GPHN: variants seen among roughly 807,000 people sequenced by gnomAD.
GPHN encodes gephyrin.
Under a neutral mutation model 95.5 loss-of-function variants are expected in GPHN, and 17 were observed. That is an observed-to-expected ratio of 0.18 (90% CI 0.12 to 0.27). The LOEUF (loss-of-function observed/expected upper bound fraction) is 0.27, where lower values mean the gene tolerates loss of function less well. Ranked by LOEUF, GPHN falls within the 10% of genes least tolerant of loss-of-function variation. The pLI is 1.00. For synonymous variants in GPHN, 320 were observed against 322.5 expected (o/e 0.99, Z 0.08); for missense variants, 660 against 978.1 (o/e 0.67, Z 4.34).
At chr14:66,979,494 T>C (rs941204959) in intron 9 of GPHN, among the ~76,000 whole-genome samples, 1 of 152,196 alleles carries the variant, frequency 6.6e-6, no homozygotes, top group Non-Finnish European at 1.5e-5. Context: ...GCTTTCAACT[T>C]TTCTTCTGCA....
chr14:66,724,061 A>T lies in GPHN; in HGVS notation c.143+42876A>T, dbSNP rs371731799. ...AAGATCTTACAGGTTTCATTTGAAA[A>T]TTTCTGCAATGAGTCAATAAAACAT... On this transcript the variant is annotated intron_variant, in intron 2 of 22. Coordinates refer to ENST00000478722, the MANE Select transcript of GPHN (RefSeq NM_020806.5). Among the ~76,000 whole-genome samples, 87 of 152,048 alleles carry T rather than the reference A, an allele frequency of 5.7e-4. 3 individuals carry two copies. The highest frequency in any genetic ancestry group is 2.0e-3 in the African/African-American group (85 of 41,482).
chr14:67,472,556 A>C, the GPHN span: 1 of 152,356 alleles, frequency 6.6e-6, no homozygotes. Context: ...GGAACTCCCC[A>C]GGCATCAGGC....
At chr14:67,266,453 G>A in the GPHN span, among the ~76,000 whole-genome samples, 5 of 152,082 alleles carry the variant, frequency 3.3e-5, no homozygotes, top group Admixed American at 6.5e-5. Flanking sequence ...AGCCTGCCGA[G>A]TAGCTGGGAT....
the GPHN span, chr14:67,651,742 T>C: frequency 3.0e-5 from 9 of 302,586 alleles, no homozygotes; most frequent in Non-Finnish European, 5.6e-5. Context: ...TAGTAGTTAC[T>C]TCCTTTAAAA....
At chr14:67,442,619 G>C in the GPHN span, among the ~76,000 whole-genome samples, 19 of 152,262 alleles carry the variant, frequency 1.2e-4, 1 homozygote, top group Admixed American at 9.2e-4. Context: ...CTCTCCTGTA[G>C]ACCAGGACCA....
At chr14:67,419,758 A>C in the GPHN span, among the ~76,000 whole-genome samples, 41 of 151,914 alleles carry the variant, frequency 2.7e-4, no homozygotes, top group Admixed American at 7.2e-4. Flanking sequence ...CTGAGGCAGG[A>C]GAATGGCGTG....
chr14:67,561,914 A>T, the GPHN span: 12 of 1,257,526 alleles, frequency 9.5e-6, no homozygotes, highest in Non-Finnish European at 1.4e-5. Context: ...CTAAACCTGT[A>T]GGCTGGGTGT....
chr14:67,668,218 A>T, the GPHN span, among the ~76,000 whole-genome samples: 1 of 152,256 alleles, frequency 6.6e-6, no homozygotes, highest in South Asian at 2.1e-4. Flanking sequence ...GACCACAGGC[A>T]TTTAACATTG....
the GPHN span, among the ~76,000 whole-genome samples, chr14:67,601,242 A>G: frequency 2.0e-5 from 3 of 152,244 alleles, no homozygotes; most frequent in Non-Finnish European, 2.9e-5. Context: ...GGAATTTGCC[A>G]GAAAGAAAGA....
At chr14:67,062,958 C>A (rs2075885903) in intron 11 of GPHN, among the ~76,000 whole-genome samples, 1 of 152,160 alleles carries the variant, frequency 6.6e-6, no homozygotes, top group Admixed American at 6.5e-5. Context: ...GCTTTTGTTG[C>A]CATTGCTTTT....
At chr14:67,200,289 G>C in the GPHN span, 1 of 690,218 alleles carries the variant, frequency 1.4e-6, no homozygotes, top group Admixed American at 3.1e-5. Flanking sequence ...GCCACCAGTT[G>C]CCCCTCGAGG....
the GPHN span, chr14:67,333,601 CTTTGT>C: frequency 6.6e-6 from 1 of 152,618 alleles, no homozygotes; most frequent in Non-Finnish European, 1.5e-5. Context: ...TTTGCTCAGA[CTTTGT>C]GGATCAGACT....
chr14:66,856,106 A>G (rs2062792890), intron 4 of GPHN, among the ~76,000 whole-genome samples: 1 of 152,160 alleles, frequency 6.6e-6, no homozygotes, highest in South Asian at 2.1e-4. Context: ...ATTTAAAAAA[A>G]GTGAATTCAG....
At chr14:67,620,112 C>A in the GPHN span, 9 of 1,532,004 alleles carry the variant, frequency 5.9e-6, no homozygotes, top group Non-Finnish European at 8.0e-6. Context: ...CCTGGAACCG[C>A]CGGGCAGGAT....
intron 1 of GPHN, among the ~76,000 whole-genome samples, chr14:66,613,082 G>C (rs1016838912): frequency 2.6e-5 from 4 of 151,984 alleles, no homozygotes; most frequent in African/African-American, 9.7e-5. Flanking sequence ...AGTCACCGTG[G>C]ACACTGAATT....
the GPHN span, chr14:67,729,661 G>C: frequency 1.7e-6 from 1 of 597,614 alleles, no homozygotes; most frequent in Non-Finnish European, 3.1e-6. Flanking sequence ...TGTCGCTGTT[G>C]GTTATGCCAT....
the GPHN span, among the ~76,000 whole-genome samples, chr14:67,716,270 A>G: frequency 6.6e-6 from 1 of 152,206 alleles, no homozygotes; most frequent in Non-Finnish European, 1.5e-5. Flanking sequence ...ACTGCTGTAC[A>G]GAAAAGGCAA....
At chr14:66,609,079 A>G (rs954472500) in intron 1 of GPHN, among the ~76,000 whole-genome samples, 2 of 152,054 alleles carry the variant, frequency 1.3e-5, no homozygotes, top group Non-Finnish European at 2.9e-5. Context: ...TATAGTGTCT[A>G]TGGGCTATAT....
chr14:66,512,431 A>G (rs2058075226), intron 1 of GPHN, among the ~76,000 whole-genome samples: 1 of 151,890 alleles, frequency 6.6e-6, no homozygotes, highest in Non-Finnish European at 1.5e-5. Context: ...CGCTACAGCT[A>G]ATGTTTGATA....
Sources: gnomAD v4.1 joint callset for allele counts (sites outside exome capture counted in the v4.1 genomes callset) on GRCh38, gnomAD v4.1.1 for gene constraint, MANE v1.5 for transcripts, NCBI Gene and HGNC (gene_info 2026-07-23, HGNC 2026-07-21) for gene names.